RBM46: variants seen among roughly 807,000 people sequenced by gnomAD.
RBM46 encodes the protein RNA binding motif protein 46.
A neutral mutation model predicts 43.3 loss-of-function variants in RBM46; 12 were observed. The observed-to-expected ratio is 0.28, with a 90% CI of 0.18 to 0.45. The LOEUF is 0.45. Ranked by LOEUF, RBM46 falls within the 20% of genes least tolerant of loss-of-function variation. RBM46 has a pLI of 1.00. For synonymous variants in RBM46, 205 were observed against 207.6 expected, an observed-to-expected ratio of 0.99 and a Z score of 0.11; for missense variants, 412 against 639.1, an observed-to-expected ratio of 0.64 and a Z score of 3.83.
intron 4 of RBM46, among the ~76,000 whole-genome samples, chr4:154,811,939 C>G (rs1287858996): frequency 2.0e-5 from 3 of 152,090 alleles, no homozygotes; most frequent in Middle Eastern, 6.8e-3. Flanking sequence ...CCTCTTCCTC[C>G]CAAAGTGCTA....
chr4:154,791,395 G>C (rs912744581), intron 1 of RBM46, among the ~76,000 whole-genome samples: 1 of 152,084 alleles, frequency 6.6e-6, no homozygotes, highest in Non-Finnish European at 1.5e-5. Context: ...CGTGACTCAC[G>C]CCTGTAATTC....
chr4:154,822,962 A>G lies in RBM46; in HGVS notation c.1403-4906A>G, dbSNP rs577785270. ...GAATTGAAAACATATGTTCACACAA[A>G]CATTTGTACATATTATTCCTTAGCA... On this transcript the variant is annotated intron_variant, in intron 4 of 4. Coordinates refer to ENST00000281722, the MANE Select transcript of RBM46 (RefSeq NM_144979.5). Among the ~76,000 whole-genome samples the G allele has an allele frequency of 8.2e-4, 125 of 151,996 alleles. 1 individual carries two copies. Among genetic ancestry groups the G allele is most frequent in the African/African-American group, 2.8e-3 (116 of 41,572 alleles).
chr4:154,811,056 T>G (rs1250323103), intron 4 of RBM46, among the ~76,000 whole-genome samples: 3 of 152,208 alleles, frequency 2.0e-5, no homozygotes, highest in Non-Finnish European at 4.4e-5. Flanking sequence ...TTAGACACAG[T>G]TGCTGCTTTC....
At position 154,796,848 on chromosome 4, in the gene RBM46, T is replaced by G; in HGVS notation, c.96T>G (p.Thr32=). 6.2e-7 allele frequency: 1 copy of G among 1,614,012 alleles called. No homozygotes were observed. Among genetic ancestry groups the G allele is most frequent in the Non-Finnish European group, 8.5e-7 (1 of 1,179,896 alleles). ...EAALLALMEK[T]GYNMVQENGQ... ...CATTACTTGCTTTGATGGAAAAGAC[T>G]GGTTACAACATGGTTCAGGAAAATG... is the stretch of plus-strand genomic sequence containing the variant. The change falls in exon 2 of 5, where the codon ACT becomes ACG. Residue 32 remains threonine, a synonymous_variant. Transcript: ENST00000281722.
chr4:154,798,583 C>G (rs952606630), intron 3 of RBM46, among the ~76,000 whole-genome samples, 199 bp from the exon 4 acceptor site: 4 of 152,014 alleles, frequency 2.6e-5, no homozygotes, highest in African/African-American at 7.2e-5. Flanking sequence ...TGTATTTGTT[C>G]TATTGACTCT....
rs1313410863 is a variant in RBM46, at chr4:154,802,905, A to AT, written c.1402+3347dup. On this transcript the variant is annotated intron_variant, in intron 4 of 4. Transcript: ENST00000281722. ...TTACTATCATATGTGATATAAAGTCATTTTTTAAATTAATATTTTAGATCT... is the reference window on the plus strand; with the variant it reads ...TTACTATCATATGTGATATAAAGTCATTTTTTTAAATTAATATTTTAGATCT... 7.2e-5 allele frequency among the ~76,000 whole-genome samples: 11 copies of AT among 152,268 alleles called. No homozygotes were observed. The East Asian group carries it at 2.1e-3, about 29-fold the overall frequency.
intron 1 of RBM46, among the ~76,000 whole-genome samples, chr4:154,790,943 A>G (rs1000765038): frequency 1.3e-5 from 2 of 152,150 alleles, no homozygotes; most frequent in Non-Finnish European, 2.9e-5. Context: ...CTGAATTTCA[A>G]CCGACAATAG....
intron 4 of RBM46, among the ~76,000 whole-genome samples, chr4:154,816,226 T>C (rs1735436076): frequency 6.6e-6 from 1 of 152,140 alleles, no homozygotes; most frequent in South Asian, 2.1e-4. Flanking sequence ...AGCCCTTGAG[T>C]TTCCATATGA....
At chr4:154,817,225 A>C (rs1735487388) in intron 4 of RBM46, among the ~76,000 whole-genome samples, 1 of 151,896 alleles carries the variant, frequency 6.6e-6, no homozygotes, top group Non-Finnish European at 1.5e-5. Context: ...GTGGAATATT[A>C]TTTAAGAGGC....
chr4:154,820,374 A>T lies in RBM46; in HGVS notation c.1403-7494A>T, dbSNP rs1735667610. ...TTCACTGCTTACAGACAGGGAACAC[A>T]ATCTCTTCAGCCTGGACCTGTGTAG... On this transcript the variant is annotated intron_variant, in intron 4 of 4. Coordinates refer to ENST00000281722, the MANE Select transcript of RBM46 (RefSeq NM_144979.5). 3 of 1,525,310 alleles carry T rather than the reference A, an allele frequency of 2.0e-6. No individual in the cohort carries two copies. The South Asian group carries it at 3.6e-5, about 18-fold the overall frequency. 94.5% of individuals were successfully genotyped at this position (1,525,310 alleles called of 1,614,324 possible).
chr4:154,805,304 A>G (rs1028720238), intron 4 of RBM46, among the ~76,000 whole-genome samples: 1 of 152,022 alleles, frequency 6.6e-6, no homozygotes, highest in Admixed American at 6.6e-5. Context: ...TTTTTCCCAG[A>G]TGAATCCATC....
At chr4:154,821,945 C>A (rs1208917698) in intron 4 of RBM46, among the ~76,000 whole-genome samples, 1 of 151,662 alleles carries the variant, frequency 6.6e-6, no homozygotes, top group Non-Finnish European at 1.5e-5. Flanking sequence ...CCTATCTGTT[C>A]TAAATTTTTC....
intron 1 of RBM46, among the ~76,000 whole-genome samples, chr4:154,785,609 C>G (rs1733722467): frequency 6.6e-6 from 1 of 151,984 alleles, no homozygotes; most frequent in Non-Finnish European, 1.5e-5. Context: ...TGTTTTTTCT[C>G]TCACTGTTTT....
At chr4:154,818,334 C>T (rs570036523) in intron 4 of RBM46, among the ~76,000 whole-genome samples, 3 of 152,038 alleles carry the variant, frequency 2.0e-5, no homozygotes, top group Non-Finnish European at 4.4e-5. Context: ...GTTCACCTGC[C>T]ATTTGAAAGG....
At chr4:154,827,198 G>A in intron 4 of RBM46, 1 of 893,778 alleles carries the variant, frequency 1.1e-6, no homozygotes, top group Non-Finnish European at 1.3e-6. Context: ...TGGTTTAATT[G>A]GATATTTTTC....
chr4:154,791,246 G>A (rs1201528768), intron 1 of RBM46, among the ~76,000 whole-genome samples: 1 of 152,182 alleles, frequency 6.6e-6, no homozygotes. Context: ...CCTTTTAAGA[G>A]GGATGCATAG....
chr4:154,822,691 AT>A lies in RBM46; in HGVS notation c.1403-5169del, dbSNP rs370301028. Reference sequence around the variant, plus strand: ...ATAATAATAAAATGGTACAATGAGGATTTTTTTTAAAAAAATTTCAATACAG... The same window carrying A: ...ATAATAATAAAATGGTACAATGAGGATTTTTTTAAAAAAATTTCAATACAG... On this transcript the variant is annotated intron_variant, in intron 4 of 4. Coordinates refer to ENST00000281722, the MANE Select transcript of RBM46 (RefSeq NM_144979.5). Among the ~76,000 whole-genome samples, 449 of 151,722 alleles carry A rather than the reference AT, an allele frequency of 3.0e-3. 1 individual carries two copies. The highest frequency in any genetic ancestry group is 0.01 in the African/African-American group (420 of 41,476).
intron 4 of RBM46, among the ~76,000 whole-genome samples, chr4:154,819,726 A>G (rs1163115145): frequency 6.6e-6 from 1 of 152,106 alleles, no homozygotes; most frequent in African/African-American, 2.4e-5. Context: ...TTATACTTTT[A>G]TACACAATTT....
At chr4:154,827,797 G>A (rs779720020) in intron 4 of RBM46, 71 bp from the exon 5 acceptor site, 136 of 1,599,982 alleles carry the variant, frequency 8.5e-5, no homozygotes, top group Non-Finnish European at 1.1e-4. Context: ...ATTGTTTAAT[G>A]CTTTGTCTCT....
Sources: allele counts gnomAD v4.1 joint callset (sites outside exome capture counted in the v4.1 genomes callset), GRCh38; gene constraint gnomAD v4.1.1; transcripts MANE v1.5; gene names NCBI Gene and HGNC (gene_info 2026-07-23, HGNC 2026-07-21).